PKHD1: variants seen among roughly 807,000 people sequenced by gnomAD.
PKHD1 encodes the protein fibrocystin.
In PKHD1, 291 loss-of-function variants were observed where a neutral mutation model predicts 412.0. That is an observed-to-expected ratio of 0.71 (90% CI 0.64 to 0.78). The LOEUF is 0.78. Among genes scored for constraint, PKHD1 ranks in the 30% least tolerant of loss-of-function variants. The probability of loss-of-function intolerance (pLI) is 0.00; values close to 1 mark genes in which losing one functional copy is unlikely to be tolerated. For synonymous variants in PKHD1, 1,777 were observed against 1,821.5 expected (o/e 0.98, Z 0.62); for missense variants, 4,825 against 4,950.7 (o/e 0.97, Z 0.76).
chr6:51,643,783 C>T (rs1581803916), intron 63 of PKHD1, among the ~76,000 whole-genome samples: 1 of 152,078 alleles, frequency 6.6e-6, no homozygotes, highest in Non-Finnish European at 1.5e-5. Context: ...CACCTATCAA[C>T]TCATCACCTA....
At chr6:51,989,901 G>GAAGA (rs144773405) in intron 35 of PKHD1, among the ~76,000 whole-genome samples, 1 of 2,740 alleles carries the variant, frequency 3.6e-4, no homozygotes, top group South Asian at 0.019. Context: ...AGGAAGGAGG[G>GAAGA]AGGAAGGAAG....
Position 52,025,832 on chromosome 6 carries a change from G to T in PKHD1, c.3978C>A (p.Asn1326Lys). The change falls in exon 32 of 67, where the codon AAC (asparagine) becomes AAA (lysine). Residue 1326 changes from asparagine (N) to lysine (K), a missense_variant. Asn to Lys is a moderately conservative substitution (Grantham distance 94). Transcript: ENST00000371117. The stretch of plus-strand genomic sequence containing the variant: ...TCAGGTTCCCCAGAAGGATGACTGA[G>T]TTGGAGAGGTTACTTCCTCCCACAT... The part of the protein sequence containing the change: ...SLHVGGSNLS[N>K]SVILLGNLNC... 4 of 1,614,198 alleles carry T rather than the reference G, an allele frequency of 2.5e-6. No individual in the cohort carries two copies. Among genetic ancestry groups the T allele is most frequent in the Non-Finnish European group, 3.4e-6 (4 of 1,180,032 alleles).
intron 60 of PKHD1, among the ~76,000 whole-genome samples, chr6:51,663,139 C>A (rs1427112603): frequency 3.3e-5 from 5 of 152,004 alleles, no homozygotes; most frequent in Admixed American, 3.3e-4. Flanking sequence ...ACAGTTATAT[C>A]TTTTCCAAAT....
intron 35 of PKHD1, among the ~76,000 whole-genome samples, chr6:51,992,466 T>G (rs530660381): frequency 6.6e-6 from 1 of 152,334 alleles, no homozygotes; most frequent in South Asian, 2.1e-4. Flanking sequence ...AAATCAAGAA[T>G]CACTCCCTGA....
chr6:51,915,631 A>G (rs1783656945), intron 37 of PKHD1, among the ~76,000 whole-genome samples: 1 of 151,990 alleles, frequency 6.6e-6, no homozygotes, highest in Non-Finnish European at 1.5e-5. Context: ...ACATTTCATC[A>G]TGGGACACAG....
chr6:51,840,633 A>C (rs1209017791), intron 50 of PKHD1, among the ~76,000 whole-genome samples: 1 of 152,178 alleles, frequency 6.6e-6, no homozygotes, highest in Non-Finnish European at 1.5e-5. Flanking sequence ...TCCTGGGAAT[A>C]AGCATTTCAG....
intron 35 of PKHD1, among the ~76,000 whole-genome samples, chr6:51,992,302 A>G (rs931819802): frequency 1.3e-5 from 2 of 152,232 alleles, no homozygotes; most frequent in Non-Finnish European, 2.9e-5. Context: ...GCATCATAGC[A>G]AGTATTGAAT....
chr6:52,016,827 C>CT (rs1365350611), intron 34 of PKHD1, among the ~76,000 whole-genome samples: 1 of 152,066 alleles, frequency 6.6e-6, no homozygotes. Flanking sequence ...GGTCACACTT[C>CT]TTTTTTATTT....
At chr6:51,786,124 C>T (rs1416942955) in intron 53 of PKHD1, among the ~76,000 whole-genome samples, 1 of 152,128 alleles carries the variant, frequency 6.6e-6, no homozygotes, top group Non-Finnish European at 1.5e-5. Flanking sequence ...GTTCATATAA[C>T]TTGCCGAGGG....
chr6:51,727,174 C>G (rs1322735059), intron 60 of PKHD1, among the ~76,000 whole-genome samples: 1 of 152,196 alleles, frequency 6.6e-6, no homozygotes, highest in Admixed American at 6.5e-5. Flanking sequence ...GAGCCTCAAA[C>G]TGCATTTTAA....
chr6:52,064,953 A>T lies in PKHD1; in HGVS notation c.976+2T>A. ...ATTGAACAGCCCTGGTGGCTTCCTTACCTGGCTGAGGGGTGGTGAGCCTCA... is the reference window on the plus strand; with the variant it reads ...ATTGAACAGCCCTGGTGGCTTCCTTTCCTGGCTGAGGGGTGGTGAGCCTCA... On this transcript the variant is annotated splice_donor_variant, in intron 13 of 66. Coordinates refer to ENST00000371117, the MANE Select transcript of PKHD1 (RefSeq NM_138694.4). LOFTEE classifies it high-confidence loss of function. 3 of 1,576,310 alleles carry T rather than the reference A, an allele frequency of 1.9e-6. No homozygotes were observed. Among genetic ancestry groups the T allele is most frequent in the Non-Finnish European group, 2.6e-6 (3 of 1,152,594 alleles).
At chr6:52,007,996 A>G (rs1192098244) in intron 35 of PKHD1, among the ~76,000 whole-genome samples, 1 of 152,118 alleles carries the variant, frequency 6.6e-6, no homozygotes, top group Non-Finnish European at 1.5e-5. Context: ...TGGCTACTTG[A>G]TAGGGCCCTG....
chr6:51,934,237 A>G lies in PKHD1; in HGVS notation c.5994T>C (p.Ile1998=). 1 of 1,613,800 alleles carries G rather than the reference A, an allele frequency of 6.2e-7. No individual in the cohort carries two copies. Among genetic ancestry groups the G allele is most frequent in the East Asian group, 2.2e-5 (1 of 44,874 alleles). The part of the protein sequence containing the change: ...ILVSDGGELR[I]GSEDKPFQGR... The stretch of plus-strand genomic sequence containing the variant: ...CTTGGAAGGGCTTGTCTTCGGATCC[A>G]ATCCGGAGCTCTCCACCATCAGAAA... Residue 1998 remains isoleucine (I), a synonymous_variant, in exon 37 of 67, where the codon ATT becomes ATC. Transcript: ENST00000371117.
chr6:51,665,380 G>GTA (rs1474358534), intron 60 of PKHD1, among the ~76,000 whole-genome samples: 1 of 151,980 alleles, frequency 6.6e-6, no homozygotes, highest in Admixed American at 6.6e-5. Flanking sequence ...AAAATGATTT[G>GTA]TATATCAGAT....
chr6:51,867,630 C>G (rs916320331), intron 48 of PKHD1, among the ~76,000 whole-genome samples: 2 of 152,094 alleles, frequency 1.3e-5, no homozygotes, highest in Admixed American at 6.6e-5. Context: ...AATGAGAGGT[C>G]ACAAGCTATG....
chr6:52,024,303 T>A (rs1801820514), intron 32 of PKHD1, among the ~76,000 whole-genome samples: 1 of 152,218 alleles, frequency 6.6e-6, no homozygotes, highest in Non-Finnish European at 1.5e-5. Context: ...TGTTATTTAA[T>A]TTAAAATACA....
intron 29 of PKHD1, among the ~76,000 whole-genome samples, chr6:52,030,548 A>T (rs1366413037): frequency 6.6e-6 from 1 of 152,216 alleles, no homozygotes; most frequent in Non-Finnish European, 1.5e-5. Flanking sequence ...GACAGTAGCA[A>T]AAAACAAGCA....
chr6:51,921,338 T>C (rs1784669403), intron 37 of PKHD1, among the ~76,000 whole-genome samples: 1 of 152,222 alleles, frequency 6.6e-6, no homozygotes, highest in African/African-American at 2.4e-5. Context: ...AACCAGACCT[T>C]TCTCTCTGGC....
Position 51,830,932 on chromosome 6 carries a change from C to T in PKHD1, c.8231G>A (p.Gly2744Asp), listed in dbSNP as rs1466429790. ...LKWSLPETWQGVEEGWGGYNN... is the reference protein window; with the variant it reads ...LKWSLPETWQDVEEGWGGYNN... ...GTATCCTCCCCAGCCTTCTTCAACA[C>T]CTTGCCATGTTTCAGGGAGGGACCA... The change falls in exon 52 of 67, where the codon GGT becomes GAT. Residue 2744 changes from glycine to aspartate, a missense_variant. Physicochemically the swap from Gly to Asp is moderately conservative, Grantham distance 94 (BLOSUM62 -1). Coordinates refer to ENST00000371117, the MANE Select transcript of PKHD1 (RefSeq NM_138694.4). 1.5e-5 allele frequency: 24 copies of T among 1,612,002 alleles called. No individual in the cohort carries two copies. Among genetic ancestry groups the T allele is most frequent in the Non-Finnish European group, 2.0e-5 (24 of 1,178,420 alleles).
Sources: gnomAD v4.1 joint callset for allele counts (sites outside exome capture counted in the v4.1 genomes callset) on GRCh38, gnomAD v4.1.1 for gene constraint, MANE v1.5 for transcripts, NCBI Gene and HGNC (gene_info 2026-07-23, HGNC 2026-07-21) for gene names.